Variants in RYR2 observed in about 807,000 individuals in gnomAD.
RYR2 encodes ryanodine receptor 2, also known as cardiac muscle ryanodine receptor-calcium release channel.
RYR2 carries 227 observed loss-of-function variants against 601.1 expected under a neutral mutation model. The ratio of observed to expected loss-of-function variants is 0.38; its 90% confidence interval spans 0.34 to 0.42. The LOEUF is 0.42. Among genes scored for constraint, RYR2 ranks in the 10% least tolerant of loss-of-function variants. RYR2 has a pLI of 1.00. For synonymous variants in RYR2, 2,223 were observed against 2,175.1 expected (o/e 1.02, Z -0.61); for missense variants, 4,646 against 6,156.5 (o/e 0.75, Z 8.21).
In RYR2 at chr1:237,309,793, G is replaced by T. The variant is rs377747519; in HGVS notation, c.169-21085G>T. Among the ~76,000 whole-genome samples the T allele has an allele frequency of 2.0e-5, 3 of 152,304 alleles. No homozygotes were observed. In the East Asian group the frequency reaches 5.8e-4, roughly 29 times the overall value. On this transcript the variant is annotated intron_variant, in intron 2 of 104. Coordinates refer to ENST00000366574, the MANE Select transcript of RYR2 (RefSeq NM_001035.3). ...CCCTGCGGGGAGGCAGCTGAGGCCC[G>T]GCGAGAATTTGAGCACAGCACCGGT... is the stretch of plus-strand genomic sequence containing the variant.
intron 1 of RYR2, among the ~76,000 whole-genome samples, chr1:237,242,171 C>T (rs1686246173): frequency 6.7e-6 from 1 of 148,978 alleles, no homozygotes; most frequent in South Asian, 2.2e-4. Flanking sequence ...TTCCAGTATG[C>T]CTAAACAGTA....
chr1:237,111,552 C>T (rs1669478236), intron 1 of RYR2, among the ~76,000 whole-genome samples: 1 of 145,106 alleles, frequency 6.9e-6, no homozygotes, highest in Non-Finnish European at 1.5e-5. Context: ...CGTGCCGCTG[C>T]ACTCTAGCCT....
intron 70 of RYR2, among the ~76,000 whole-genome samples, chr1:237,709,909 A>G (rs1231385680): frequency 1.3e-5 from 2 of 152,178 alleles, no homozygotes; most frequent in Non-Finnish European, 2.9e-5. Flanking sequence ...TAGACTAGCA[A>G]TTTCCAACAA....
intron 1 of RYR2, among the ~76,000 whole-genome samples, chr1:237,136,511 G>T (rs565270046): frequency 6.6e-6 from 1 of 152,266 alleles, no homozygotes; most frequent in African/African-American, 2.4e-5. Flanking sequence ...AACACACCCT[G>T]CCTCCTCCAG....
At chr1:237,573,452 C>T (rs145196143) in intron 29 of RYR2, among the ~76,000 whole-genome samples, 7 of 151,198 alleles carry the variant, frequency 4.6e-5, no homozygotes, top group Admixed American at 1.3e-4. Context: ...AAATCACAAA[C>T]ATCTTTGAAA....
intron 24 of RYR2, among the ~76,000 whole-genome samples, chr1:237,519,846 T>C (rs1558959750): frequency 2.6e-5 from 4 of 152,208 alleles, no homozygotes; most frequent in African/African-American, 9.6e-5. Flanking sequence ...ATGAGTTGCA[T>C]TGAATTTATG....
At chr1:237,166,623 T>A (rs2027253) in intron 1 of RYR2, among the ~76,000 whole-genome samples, 141,555 of 152,252 alleles carry the variant, frequency 0.93, 66,400 homozygotes, top group Non-Finnish European at 0.99. Flanking sequence ...TTCTTTGGAT[T>A]TGTTACGTCA....
chr1:237,471,177 A>G (rs1660683900), intron 17 of RYR2: 1 of 154,224 alleles, frequency 6.5e-6, no homozygotes, highest in Non-Finnish European at 1.5e-5. Flanking sequence ...GGAGACGGGA[A>G]CATGGAGCCG....
chr1:237,168,182 G>A (rs1450473972), intron 1 of RYR2, among the ~76,000 whole-genome samples: 2 of 152,166 alleles, frequency 1.3e-5, no homozygotes, highest in African/African-American at 4.8e-5. Flanking sequence ...CTGGCCAGCT[G>A]TAGAGTGGAG....
In RYR2 at chr1:237,658,016, G is replaced by T; in HGVS notation, c.8202G>T (p.Met2734Ile). The T allele has an allele frequency of 6.7e-7, 1 of 1,486,814 alleles. No homozygotes were observed. The highest frequency in any genetic ancestry group is 9.0e-7 in the Non-Finnish European group (1 of 1,110,040). The allele number at this position is 1,486,814 out of a possible 1,614,324, so 92.1% of individuals were successfully genotyped here. The change falls in exon 54 of 105, where the codon ATG (methionine) becomes ATT (isoleucine). Residue 2734 changes from methionine (M) to isoleucine (I), a missense_variant. By Grantham distance (10) the Met-to-Ile change is conservative. Transcript: ENST00000366574. ...YAEHSHDKWS[M>I]DKLANGWIYG... Reference sequence around the variant, plus strand: ...AACACTCCCATGACAAATGGTCAATGGACAAGGTAAAAAGAGTATTACATT... The same window carrying T: ...AACACTCCCATGACAAATGGTCAATTGACAAGGTAAAAAGAGTATTACATT...
rs1371239754 is a variant in RYR2, at chr1:237,718,552, T to G, written c.10554+31T>G. 5.1e-6 allele frequency: 6 copies of G among 1,170,936 alleles called. No homozygotes were observed. In the East Asian group the frequency reaches 1.2e-4, roughly 23 times the overall value. 72.5% of individuals were successfully genotyped at this position (1,170,936 alleles called of 1,614,324 possible). On this transcript the variant is annotated intron_variant, in intron 73 of 104. Transcript: ENST00000366574. ...CCAAATTTTATTCTTAAGCCACATTTACTACCTATACATTAGTTAATCTCT... is the reference window on the plus strand; with the variant it reads ...CCAAATTTTATTCTTAAGCCACATTGACTACCTATACATTAGTTAATCTCT...
At chr1:237,607,138 G>A (rs754180034) in intron 35 of RYR2, among the ~76,000 whole-genome samples, 1 of 152,076 alleles carries the variant, frequency 6.6e-6, no homozygotes, top group African/African-American at 2.4e-5. Context: ...TGTTTATTGT[G>A]GCATTATTTA....
chr1:237,700,567 GT>G (rs1687880608), intron 65 of RYR2, 100 bp downstream of exon 65: 1 of 641,542 alleles, frequency 1.6e-6, no homozygotes, highest in Non-Finnish European at 2.8e-6. Flanking sequence ...CTAAAACACT[GT>G]TTACATGTTA....
At chr1:237,806,116 C>G (rs1158067110) in intron 98 of RYR2, 21 bp from the exon 99 acceptor site, 2 of 1,608,646 alleles carry the variant, frequency 1.2e-6, no homozygotes, top group South Asian at 2.2e-5. Flanking sequence ...CATGTTCTTT[C>G]CCCCCGTTTT....
chr1:237,363,723 T>C (rs1040634719), intron 4 of RYR2, among the ~76,000 whole-genome samples: 15 of 152,098 alleles, frequency 9.9e-5, no homozygotes, highest in African/African-American at 3.6e-4. Flanking sequence ...TACGTACACA[T>C]TATGTTTTGT....
At chr1:237,639,994 A>G (rs912711950) in intron 46 of RYR2, among the ~76,000 whole-genome samples, 1 of 146,458 alleles carries the variant, frequency 6.8e-6, no homozygotes, top group Non-Finnish European at 1.5e-5. Context: ...GAGCACTCCT[A>G]GAGCAAGAAT....
intron 1 of RYR2, among the ~76,000 whole-genome samples, chr1:237,234,554 G>T (rs1480626193): frequency 6.6e-6 from 1 of 152,068 alleles, no homozygotes; most frequent in Non-Finnish European, 1.5e-5. Flanking sequence ...ACTCCATGTT[G>T]GAATGATACA....
chr1:237,226,433 T>A (rs1684375219), intron 1 of RYR2, among the ~76,000 whole-genome samples: 1 of 152,174 alleles, frequency 6.6e-6, no homozygotes, highest in South Asian at 2.1e-4. Context: ...CTAGAAGGCA[T>A]TGTTGTCTCT....
rs114531386 is a variant in RYR2, at chr1:237,738,369, C to G, written c.11092-3927C>G. 9.2e-3 allele frequency among the ~76,000 whole-genome samples: 1,398 copies of G among 152,166 alleles called. 9 individuals are homozygous for G. Among genetic ancestry groups the G allele is most frequent in the Non-Finnish European group, 0.013 (902 of 67,996 alleles). On this transcript the variant is annotated intron_variant, in intron 79 of 104. Transcript: ENST00000366574. ...GTCATTTCTAATAATGTAGTAACTA[C>G]CCATAAACCCACTTCTGACAAGAAA...
Sources: gnomAD v4.1 joint callset for allele counts (sites outside exome capture counted in the v4.1 genomes callset) on GRCh38, gnomAD v4.1.1 for gene constraint, MANE v1.5 for transcripts, NCBI Gene and HGNC (gene_info 2026-07-23, HGNC 2026-07-21) for gene names.